ROBO2: variants seen among roughly 807,000 people sequenced by gnomAD.
The protein encoded by ROBO2 is roundabout homolog 2.
ROBO2 carries 53 observed loss-of-function variants against 160.8 expected under a neutral mutation model. That is an observed-to-expected ratio of 0.33 (90% CI 0.26 to 0.41). ROBO2 has a LOEUF of 0.41. Ranked by LOEUF, ROBO2 falls within the 10% of genes least tolerant of loss-of-function variation. The pLI, the probability that ROBO2 is intolerant of heterozygous loss-of-function variation, is 1.00. For synonymous variants in ROBO2, 664 were observed against 611.7 expected, an observed-to-expected ratio of 1.09 and a Z score of -1.26; for missense variants, 1,577 against 1,722.4, an observed-to-expected ratio of 0.92 and a Z score of 1.49.
intron 24 of ROBO2, chr3:77,642,739 G>A: frequency 2.2e-6 from 1 of 456,700 alleles, no homozygotes; most frequent in Non-Finnish European, 4.4e-6. Flanking sequence ...GAGCCAGCAG[G>A]CTGGTAACGT....
intron 24 of ROBO2, among the ~76,000 whole-genome samples, chr3:77,640,757 T>C (rs2095339912): frequency 6.6e-6 from 1 of 152,258 alleles, no homozygotes; most frequent in Non-Finnish European, 1.5e-5. Context: ...TTTGATTACA[T>C]ACTTTTATTT....
At chr3:75,938,885 T>C (rs1947911901) in intron 2 of ROBO2, among the ~76,000 whole-genome samples, 2 of 152,310 alleles carry the variant, frequency 1.3e-5, no homozygotes, top group Non-Finnish European at 1.5e-5. Flanking sequence ...AATAGAATTC[T>C]CATTTTTCTT....
At chr3:76,465,439 A>C (rs2078309347) in intron 2 of ROBO2, among the ~76,000 whole-genome samples, 5 of 152,036 alleles carry the variant, frequency 3.3e-5, no homozygotes, top group Admixed American at 2.6e-4. Context: ...TTTTATACCC[A>C]CCCATCCCAT....
intron 2 of ROBO2, among the ~76,000 whole-genome samples, chr3:77,158,613 T>C (rs2078219888): frequency 6.6e-6 from 1 of 152,108 alleles, no homozygotes. Context: ...TTTCATATCT[T>C]AGATAATAAA....
At chr3:76,363,244 A>G (rs2075627309) in intron 2 of ROBO2, among the ~76,000 whole-genome samples, 1 of 151,912 alleles carries the variant, frequency 6.6e-6, no homozygotes, top group Non-Finnish European at 1.5e-5. Flanking sequence ...CACAGAGGGA[A>G]TCAGTATCAC....
intron 5 of ROBO2, among the ~76,000 whole-genome samples, chr3:77,516,916 C>T (rs1313423093): frequency 6.6e-6 from 1 of 151,556 alleles, no homozygotes; most frequent in African/African-American, 2.4e-5. Context: ...TTTGCTGATG[C>T]ATCATGATAT....
In ROBO2 at chr3:76,786,866, A is replaced by G. The variant is rs1393462970; in HGVS notation, c.110-311148A>G. 2.0e-5 allele frequency among the ~76,000 whole-genome samples: 3 copies of G among 151,356 alleles called. No individual in the cohort carries two copies. In the East Asian group the frequency reaches 5.8e-4, roughly 29 times the overall value. On this transcript the variant is annotated intron_variant, in intron 2 of 26. Coordinates refer to the ROBO2 transcript ENST00000487694. The stretch of plus-strand genomic sequence containing the variant: ...TGCATTAGTCCATTCTCACACTGCT[A>G]TAAAGAGCTACCTGATAAATTTCTA...
chr3:76,457,586 C>T (rs1412392875), intron 2 of ROBO2, among the ~76,000 whole-genome samples: 1 of 152,178 alleles, frequency 6.6e-6, no homozygotes, highest in Non-Finnish European at 1.5e-5. Context: ...TGTACCTCTT[C>T]TCACAGCTCC....
chr3:76,797,794 A>G (rs560663198), intron 2 of ROBO2, among the ~76,000 whole-genome samples: 3 of 152,066 alleles, frequency 2.0e-5, no homozygotes, highest in South Asian at 2.1e-4. Context: ...ATGAGAAACT[A>G]TATGGCAAAA....
chr3:76,889,676 G>A (rs947565279), intron 2 of ROBO2, among the ~76,000 whole-genome samples: 8 of 152,082 alleles, frequency 5.3e-5, no homozygotes. Flanking sequence ...AAAATCCCCT[G>A]TGTGGATTAC....
At chr3:77,508,813 T>A (rs1207351182) in intron 5 of ROBO2, among the ~76,000 whole-genome samples, 1 of 152,144 alleles carries the variant, frequency 6.6e-6, no homozygotes, top group Non-Finnish European at 1.5e-5. Context: ...TAAAATTTTT[T>A]TAAAAAACAA....
chr3:76,749,288 A>G (rs979349044), intron 2 of ROBO2, among the ~76,000 whole-genome samples: 17 of 151,918 alleles, frequency 1.1e-4, no homozygotes, highest in African/African-American at 4.1e-4. Context: ...ATATATATGT[A>G]TACCACTACA....
intron 2 of ROBO2, among the ~76,000 whole-genome samples, chr3:77,379,579 T>C (rs1469569770): frequency 1.3e-5 from 2 of 152,226 alleles, no homozygotes; most frequent in Admixed American, 1.3e-4. Flanking sequence ...AAAGTAAATA[T>C]AGAATAAAAT....
intron 2 of ROBO2, among the ~76,000 whole-genome samples, chr3:76,703,903 G>C (rs1195290153): frequency 6.6e-6 from 1 of 151,882 alleles, no homozygotes; most frequent in Non-Finnish European, 1.5e-5. Flanking sequence ...TGGGTCAAAT[G>C]GTATTTCTGA....
rs1559705683 is a variant in ROBO2, at chr3:76,272,832, T to TATATATTTTATATATAAAAATATATAAA, written c.109+335236_109+335237insTTTATATATAAAAATATATAAAATATAT. Among the ~76,000 whole-genome samples the TATATATTTTATATATAAAAATATATAAA allele has an allele frequency of 1.0e-4, 4 of 38,284 alleles. No individual in the cohort carries two copies. The South Asian group carries it at 3.0e-3, about 28-fold the overall frequency. The allele number at this position is 38,284 out of a possible 152,430, so 25.1% of individuals were successfully genotyped here. A position where few individuals can be genotyped will look rare whatever the true frequency, so the allele number is the denominator to read the frequency against. Reference sequence around the variant, plus strand: ...ATATAATATGTATTTATATATAAAATATATATATTATATATTATATATAAA... The same window carrying TATATATTTTATATATAAAAATATATAAA: ...ATATAATATGTATTTATATATAAAATATATATTTTATATATAAAAATATATAAAATATATATTATATATTATATATAAA... On this transcript the variant is annotated intron_variant, in intron 2 of 26. Coordinates refer to the ROBO2 transcript ENST00000487694.
chr3:76,757,229 T>A (rs974562342), intron 2 of ROBO2, among the ~76,000 whole-genome samples: 2 of 151,778 alleles, frequency 1.3e-5, no homozygotes, highest in Non-Finnish European at 2.9e-5. Flanking sequence ...GAACAGTCAG[T>A]CAGGACTACA....
chr3:77,404,550 G>A (rs989281078), intron 2 of ROBO2, among the ~76,000 whole-genome samples: 2 of 152,126 alleles, frequency 1.3e-5, no homozygotes, highest in South Asian at 4.1e-4. Context: ...GTATTTTGCA[G>A]TTCAAAGCAT....
At chr3:76,507,376 T>C (rs2107707341) in intron 2 of ROBO2, among the ~76,000 whole-genome samples, 1 of 152,198 alleles carries the variant, frequency 6.6e-6, no homozygotes, top group South Asian at 2.1e-4. Context: ...CTTTATGTAA[T>C]TACTAAATAT....
At chr3:76,123,109 A>G (rs1228700380) in intron 2 of ROBO2, among the ~76,000 whole-genome samples, 1 of 152,052 alleles carries the variant, frequency 6.6e-6, no homozygotes, top group African/African-American at 2.4e-5. Flanking sequence ...GATCTCTCTC[A>G]ACTGGTTTGC....
Sources: gnomAD v4.1 joint callset for allele counts (sites outside exome capture counted in the v4.1 genomes callset) on GRCh38, gnomAD v4.1.1 for gene constraint, MANE v1.5 for transcripts, NCBI Gene and HGNC (gene_info 2026-07-23, HGNC 2026-07-21) for gene names.